Variants in CFAP61 observed in about 807,000 individuals in gnomAD.
CFAP61 encodes the protein cilia and flagella associated protein 61.
A neutral mutation model predicts 135.6 loss-of-function variants in CFAP61; 107 were observed. The ratio of observed to expected loss-of-function variants is 0.79; its 90% confidence interval spans 0.67 to 0.93. The LOEUF (loss-of-function observed/expected upper bound fraction) is 0.93. Ranked by LOEUF, CFAP61 falls within the 40% of genes least tolerant of loss-of-function variation. The pLI, the probability that CFAP61 is intolerant of heterozygous loss-of-function variation, is 0.00. For missense variants in CFAP61, 1,507 were observed against 1,556.2 expected, an observed-to-expected ratio of 0.97 and a Z score of 0.53; for synonymous variants, 575 against 578.5, an observed-to-expected ratio of 0.99 and a Z score of 0.09.
At chr20:20,351,947 GA>G (rs1226086521) in intron 26 of CFAP61, among the ~76,000 whole-genome samples, 28 of 142,828 alleles carry the variant, frequency 2.0e-4, no homozygotes, top group East Asian at 1.5e-3. Flanking sequence ...ACAATCTTGA[GA>G]AAAAAAAAAC....
intron 17 of CFAP61, among the ~76,000 whole-genome samples, chr20:20,206,194 C>G (rs911889973): frequency 1.6e-4 from 24 of 152,190 alleles, no homozygotes; most frequent in Admixed American, 1.6e-3. Context: ...TCCTCATTTT[C>G]TAGGACAGAT....
At chr20:20,200,347 A>C (rs981341688) in intron 17 of CFAP61, among the ~76,000 whole-genome samples, 8 of 152,096 alleles carry the variant, frequency 5.3e-5, no homozygotes, top group African/African-American at 1.9e-4. Context: ...CCGGGTCCTA[A>C]GCTGGTTTGT....
chr20:20,323,370 A>G, intron 25 of CFAP61: 1 of 941,408 alleles, frequency 1.1e-6, no homozygotes, highest in Non-Finnish European at 1.3e-6. Flanking sequence ...TCCTAAAAGC[A>G]AGTATGGAAT....
At chr20:20,243,940 C>A (rs946123749) in intron 18 of CFAP61, among the ~76,000 whole-genome samples, 7 of 152,174 alleles carry the variant, frequency 4.6e-5, no homozygotes, top group Non-Finnish European at 8.8e-5. Context: ...GGGTTACAGG[C>A]TCCATGCAAG....
chr20:20,099,964 C>CT (rs1294790690), intron 8 of CFAP61, among the ~76,000 whole-genome samples: 2 of 152,064 alleles, frequency 1.3e-5, no homozygotes, highest in Non-Finnish European at 2.9e-5. Flanking sequence ...AGGAGTTTCC[C>CT]TTTTGTGCTG....
chr20:20,320,494 A>AATATATATT lies in CFAP61; in HGVS notation c.3423-21330_3423-21322dup, dbSNP rs1350887656. ...AATATATGTAATATATAATATATGT[A>AATATATATT]ATATATATTATATATGTAATATATA... is the stretch of plus-strand genomic sequence containing the variant. On this transcript the variant is annotated intron_variant, in intron 25 of 26. Coordinates refer to ENST00000245957, the MANE Select transcript of CFAP61 (RefSeq NM_015585.4). Among the ~76,000 whole-genome samples the AATATATATT allele has an allele frequency of 9.5e-4, 10 of 10,514 alleles. 3 individuals are homozygous for AATATATATT. The highest frequency in any genetic ancestry group is 3.2e-3 in the East Asian group (1 of 314). The allele number at this position is 10,514 out of a possible 152,430, so 6.9% of individuals were successfully genotyped here.
At chr20:20,184,651 A>T (rs529536505) in intron 13 of CFAP61, 1 of 152,252 alleles carries the variant, frequency 6.6e-6, no homozygotes, top group Non-Finnish European at 1.5e-5. Flanking sequence ...CTGATGAGGT[A>T]ACTTCTGATG....
rs1292194019 is a variant in CFAP61, at chr20:20,359,624, A to G, written c.3514-586A>G. On this transcript the variant is annotated intron_variant, in intron 26 of 26. Transcript: ENST00000245957. This position sits in a 1 kb window ranked among gnomAD's most constrained non-coding sequence, Gnocchi z 4.0. ...GGTTGCAGTGAGCCGAGATCATGCC[A>G]TTGCACTCCAGCCTGGGCAACAACA... 1.3e-5 allele frequency among the ~76,000 whole-genome samples: 2 copies of G among 152,158 alleles called. No homozygotes were observed. The highest frequency in any genetic ancestry group is 2.9e-5 in the Non-Finnish European group (2 of 68,026).
intron 14 of CFAP61, among the ~76,000 whole-genome samples, chr20:20,189,355 A>G (rs567151661): frequency 6.6e-6 from 1 of 152,226 alleles, no homozygotes; most frequent in African/African-American, 2.4e-5. Flanking sequence ...TTCTCAAAGT[A>G]TGGTCTAAGG....
intron 9 of CFAP61, among the ~76,000 whole-genome samples, chr20:20,143,924 A>G (rs2051632564): frequency 6.6e-6 from 1 of 152,242 alleles, no homozygotes; most frequent in Non-Finnish European, 1.5e-5. Context: ...GAGGATTAAT[A>G]GTGCCCATGC....
chr20:20,262,315 T>A lies in CFAP61; in HGVS notation c.2329-641T>A, dbSNP rs184287278. On this transcript the variant is annotated intron_variant, in intron 20 of 26. Coordinates refer to ENST00000245957, the MANE Select transcript of CFAP61 (RefSeq NM_015585.4). ...GGTTGGAAAAGAATATGGACCTCTC[T>A]CTATTGGCTCTCTCTTTCTCAGAAC... Among the ~76,000 whole-genome samples, 171 of 152,266 alleles carry A rather than the reference T, an allele frequency of 1.1e-3. 1 individual carries two copies. Among genetic ancestry groups the A allele is most frequent in the Middle Eastern group, 3.4e-3 (1 of 294 alleles).
intron 25 of CFAP61, among the ~76,000 whole-genome samples, chr20:20,329,109 T>C (rs1471705462): frequency 1.3e-5 from 2 of 152,282 alleles, no homozygotes; most frequent in South Asian, 4.1e-4. Context: ...CTGCTGACAC[T>C]TTACTCAAGT....
chr20:20,185,144 A>G (rs189766057), intron 13 of CFAP61, among the ~76,000 whole-genome samples: 1 of 152,336 alleles, frequency 6.6e-6, no homozygotes, highest in East Asian at 1.9e-4. Flanking sequence ...TTGTTTAATG[A>G]AGCTCGTATA....
At chr20:20,339,880 G>C (rs1244364662) in intron 25 of CFAP61, among the ~76,000 whole-genome samples, 1 of 152,204 alleles carries the variant, frequency 6.6e-6, no homozygotes, top group African/African-American at 2.4e-5. Flanking sequence ...TTGTAAAATA[G>C]GTTTGGTTAA....
chr20:20,155,140 T>C, intron 9 of CFAP61, among the ~76,000 whole-genome samples: 1 of 152,028 alleles, frequency 6.6e-6, no homozygotes, highest in East Asian at 1.9e-4. Context: ...AGCCAACTAA[T>C]CTTCAACAAA....
In CFAP61 at chr20:20,276,819, T is replaced by A. The variant is rs552748312; in HGVS notation, c.2504-347T>A. On this transcript the variant is annotated intron_variant, in intron 21 of 26. Transcript: ENST00000245957. ...TCTGTAAGGAAGAACTAGTATACAT[T>A]GCCAACATTAGTAATTTGGTTTCCT... Among the ~76,000 whole-genome samples the A allele has an allele frequency of 1.5e-3, 223 of 152,226 alleles. 1 individual carries two copies. Among genetic ancestry groups the A allele is most frequent in the Non-Finnish European group, 1.3e-3 (89 of 68,046 alleles).
chr20:20,262,900 A>G, intron 20 of CFAP61, 56 bp from the exon 21 acceptor site: 1 of 1,149,370 alleles, frequency 8.7e-7, no homozygotes, highest in Non-Finnish European at 1.2e-6. Context: ...TTTTTTAACC[A>G]CTGTCACCAC....
intron 25 of CFAP61, among the ~76,000 whole-genome samples, chr20:20,300,887 T>G (rs1251672908): frequency 1.3e-5 from 2 of 152,172 alleles, no homozygotes; most frequent in Non-Finnish European, 2.9e-5. Flanking sequence ...ATTACAGGCA[T>G]GAGCCACCGT....
At chr20:20,059,158 T>A (rs962117469) in intron 2 of CFAP61, among the ~76,000 whole-genome samples, 1 of 151,390 alleles carries the variant, frequency 6.6e-6, no homozygotes, top group Admixed American at 6.6e-5. Context: ...TGAAACCCCA[T>A]CTCTACTAAA....
Sources: gnomAD v4.1 joint callset for allele counts (sites outside exome capture counted in the v4.1 genomes callset) on GRCh38, gnomAD v4.1.1 for gene constraint, Gnocchi (gnomAD v3.1) non-coding constraint, MANE v1.5 for transcripts, NCBI Gene and HGNC (gene_info 2026-07-23, HGNC 2026-07-21) for gene names.